Variants in CHST11 observed in about 807,000 individuals in gnomAD.
The protein encoded by CHST11 is carbohydrate sulfotransferase 11.
CHST11 carries 9 observed loss-of-function variants against 30.4 expected under a neutral mutation model. The observed-to-expected ratio is 0.30, with a 90% CI of 0.18 to 0.52. The LOEUF (loss-of-function observed/expected upper bound fraction) is 0.52. CHST11 is among the 20% of genes least tolerant of loss of function. The pLI, the probability that CHST11 is intolerant of heterozygous loss-of-function variation, is 0.97. For synonymous variants in CHST11, 152 were observed against 187.8 expected, an observed-to-expected ratio of 0.81 and a Z score of 1.56; for missense variants, 348 against 460.6, an observed-to-expected ratio of 0.76 and a Z score of 2.24.
intron 2 of CHST11, among the ~76,000 whole-genome samples, chr12:104,642,903 G>A (rs1241349682): frequency 1.3e-5 from 2 of 151,762 alleles, no homozygotes; most frequent in Admixed American, 1.3e-4. Context: ...TCAAGTAGAG[G>A]TTGCTTAAAT....
In CHST11 at chr12:104,729,463, A is replaced by G. The variant is rs138979153; in HGVS notation, c.205-27486A>G. 2.4e-4 allele frequency among the ~76,000 whole-genome samples: 36 copies of G among 152,302 alleles called. No individual in the cohort carries two copies. The East Asian group carries it at 6.4e-3, about 27-fold the overall frequency. On this transcript the variant is annotated intron_variant, in intron 2 of 2. Coordinates refer to ENST00000303694, the MANE Select transcript of CHST11 (RefSeq NM_018413.6). This position sits in a 1 kb window ranked among gnomAD's most constrained non-coding sequence, Gnocchi z 4.0. ...CACCCAAATGATTTGTGAAGAATGCAGATTCCTGTGCCCAGATTGGGTTTC... is the reference window on the plus strand; with the variant it reads ...CACCCAAATGATTTGTGAAGAATGCGGATTCCTGTGCCCAGATTGGGTTTC...
In CHST11 at chr12:104,729,971, G is replaced by A. The variant is rs2040244245; in HGVS notation, c.205-26978G>A. Among the ~76,000 whole-genome samples, 1 of 152,230 alleles carries A rather than the reference G, an allele frequency of 6.6e-6. No homozygotes were observed. Among genetic ancestry groups the A allele is most frequent in the South Asian group, 2.1e-4 (1 of 4,830 alleles). ...TGTTTCCTGATCTCACCTGTCCCAG[G>A]ACTTGGGGCTCTAAGTAGCATTACA... On this transcript the variant is annotated intron_variant, in intron 2 of 2. Transcript: ENST00000303694. The surrounding 1 kb of genome is among the most constrained non-coding windows in gnomAD (Gnocchi z 4.0).
At chr12:104,523,391 A>G (rs564898422) in intron 1 of CHST11, among the ~76,000 whole-genome samples, 2 of 152,364 alleles carry the variant, frequency 1.3e-5, no homozygotes, top group Non-Finnish European at 2.9e-5. Context: ...AGTGTCATAT[A>G]GATGGGATCT....
chr12:104,698,410 C>G (rs2039965285), intron 2 of CHST11, among the ~76,000 whole-genome samples: 1 of 152,180 alleles, frequency 6.6e-6, no homozygotes, highest in Non-Finnish European at 1.5e-5. Context: ...TCAGTTCTTA[C>G]CCAGGGAGCT....
chr12:104,508,701 C>A (rs369846076), intron 1 of CHST11, among the ~76,000 whole-genome samples: 1 of 152,278 alleles, frequency 6.6e-6, no homozygotes, highest in African/African-American at 2.4e-5. Flanking sequence ...GATATGATTG[C>A]TTCTTGTGGT....
At chr12:104,559,422 C>T (rs1381600690) in intron 1 of CHST11, among the ~76,000 whole-genome samples, 2 of 152,194 alleles carry the variant, frequency 1.3e-5, no homozygotes, top group Admixed American at 6.5e-5. Flanking sequence ...ATGGAGCCTC[C>T]ATTCTGGTGG....
chr12:104,592,085 T>TCCTCC (rs1592782746), intron 1 of CHST11, among the ~76,000 whole-genome samples: 1 of 151,032 alleles, frequency 6.6e-6, no homozygotes, highest in Admixed American at 6.6e-5. Flanking sequence ...ACCTGGCACC[T>TCCTCC]CCTCCCCTCC....
At chr12:104,674,126 G>T (rs1478611620) in intron 2 of CHST11, among the ~76,000 whole-genome samples, 1 of 152,180 alleles carries the variant, frequency 6.6e-6, no homozygotes, top group African/African-American at 2.4e-5. Flanking sequence ...GGATTTTTTT[G>T]CTGGCTTCTT....
rs55789725 is a variant in CHST11, at chr12:104,686,232, TA to T, written c.205-70700del. Among the ~76,000 whole-genome samples, 255 of 99,110 alleles carry T rather than the reference TA, an allele frequency of 2.6e-3. 2 individuals are homozygous for T. The highest frequency in any genetic ancestry group is 0.019 in the Middle Eastern group (3 of 160). 65.0% of individuals were successfully genotyped at this position (99,110 alleles called of 152,430 possible). ...GATCACAAAGGGAGAACTCACCTCT[TA>T]AAAAAAAAAAAAAAAAGACAACATA... On this transcript the variant is annotated intron_variant, in intron 2 of 2. Transcript: ENST00000303694.
At chr12:104,631,515 G>A (rs1188881148) in intron 2 of CHST11, among the ~76,000 whole-genome samples, 1 of 152,128 alleles carries the variant, frequency 6.6e-6, no homozygotes, top group Admixed American at 6.5e-5. Flanking sequence ...CCCAGAGATG[G>A]GAAGGAGGCT....
intron 2 of CHST11, among the ~76,000 whole-genome samples, chr12:104,635,966 G>T (rs1788750413): frequency 6.6e-6 from 1 of 152,190 alleles, no homozygotes; most frequent in African/African-American, 2.4e-5. Flanking sequence ...TTCCGGACAG[G>T]ATGGGCTGCT....
At chr12:104,713,106 G>A (rs979461216) in intron 2 of CHST11, among the ~76,000 whole-genome samples, 2 of 152,146 alleles carry the variant, frequency 1.3e-5, no homozygotes, top group Non-Finnish European at 1.5e-5. Flanking sequence ...TTAAGGATCT[G>A]CTGGCAGCTA....
intron 2 of CHST11, among the ~76,000 whole-genome samples, chr12:104,725,216 G>A (rs563849057): frequency 3.3e-4 from 50 of 152,352 alleles, no homozygotes; most frequent in Middle Eastern, 3.4e-3. Context: ...TAGCTGTGCT[G>A]TCGTTAGCAT....
intron 2 of CHST11, among the ~76,000 whole-genome samples, chr12:104,650,417 C>T (rs115227478): frequency 0.013 from 1,939 of 152,292 alleles, 41 homozygotes; most frequent in African/African-American, 0.043. Context: ...CTGTTTATAC[C>T]TCAGAACTCT....
chr12:104,720,637 C>A (rs997959128), intron 2 of CHST11, among the ~76,000 whole-genome samples: 2 of 151,992 alleles, frequency 1.3e-5, no homozygotes, highest in Non-Finnish European at 2.9e-5. Flanking sequence ...GCAGCCAAGA[C>A]AAAAAACCCA....
chr12:104,494,463 G>A (rs1301282812), intron 1 of CHST11, among the ~76,000 whole-genome samples: 1 of 152,238 alleles, frequency 6.6e-6, no homozygotes, highest in Non-Finnish European at 1.5e-5. Flanking sequence ...TGTGACAAGT[G>A]AGTTGGAGGC....
At chr12:104,691,459 G>A (rs968363914) in intron 2 of CHST11, among the ~76,000 whole-genome samples, 11 of 149,288 alleles carry the variant, frequency 7.4e-5, no homozygotes, top group Admixed American at 4.6e-4. Context: ...TACTGGGGGC[G>A]GGGGGGAAAC....
At chr12:104,723,272 A>G (rs2040192301) in intron 2 of CHST11, among the ~76,000 whole-genome samples, 1 of 152,178 alleles carries the variant, frequency 6.6e-6, no homozygotes, top group African/African-American at 2.4e-5. Context: ...CTGTCTTAAA[A>G]TCGCTGATGA....
At chr12:104,508,348 G>T (rs1393492033) in intron 1 of CHST11, among the ~76,000 whole-genome samples, 1 of 152,180 alleles carries the variant, frequency 6.6e-6, no homozygotes, top group Non-Finnish European at 1.5e-5. Context: ...TGTAAAGTAA[G>T]TATCGTAACC....
Sources: allele counts gnomAD v4.1 joint callset (sites outside exome capture counted in the v4.1 genomes callset), GRCh38; gene constraint gnomAD v4.1.1; non-coding constraint Gnocchi (gnomAD v3.1); transcripts MANE v1.5; gene names NCBI Gene and HGNC (gene_info 2026-07-23, HGNC 2026-07-21).